DLG2: variants seen among roughly 807,000 people sequenced by gnomAD.
DLG2 encodes discs large MAGUK scaffold protein 2, also known as disks large homolog 2.
DLG2 carries 45 observed loss-of-function variants against 132.5 expected under a neutral mutation model. That is an observed-to-expected ratio of 0.34 (90% CI 0.27 to 0.44). DLG2 has a LOEUF of 0.44. DLG2 is among the 20% of genes least tolerant of loss of function. The pLI, the probability that DLG2 is intolerant of heterozygous loss-of-function variation, is 1.00. For synonymous variants in DLG2, 424 were observed against 419.6 expected (o/e 1.01, Z -0.13); for missense variants, 1,045 against 1,196.9 (o/e 0.87, Z 1.87).
At chr11:83,762,512 T>C (rs557454386) in intron 18 of DLG2, among the ~76,000 whole-genome samples, 39 of 152,318 alleles carry the variant, frequency 2.6e-4, no homozygotes, top group Non-Finnish European at 4.6e-4. Flanking sequence ...GTTTGTGCCA[T>C]GAGTTTGGGA....
At position 85,529,740 on chromosome 11, in the gene DLG2, C is replaced by T. The variant is rs1041158365; in HGVS notation, c.40+68917G>A. Reference sequence around the variant, plus strand: ...AATCTCCATGCCTTTGATTATTGTACCAACTTTCCTTTCCTCAAACACTTT... The same window carrying T: ...AATCTCCATGCCTTTGATTATTGTATCAACTTTCCTTTCCTCAAACACTTT... On this transcript the variant is annotated intron_variant, in intron 3 of 27. Coordinates refer to ENST00000376104, the MANE Select transcript of DLG2 (RefSeq NM_001142699.3). Among the ~76,000 whole-genome samples, 4 of 152,060 alleles carry T rather than the reference C, an allele frequency of 2.6e-5. No homozygotes were observed. The East Asian group carries it at 7.7e-4, about 29-fold the overall frequency.
At chr11:83,761,394 G>A (rs1282502575) in intron 18 of DLG2, among the ~76,000 whole-genome samples, 1 of 152,120 alleles carries the variant, frequency 6.6e-6, no homozygotes, top group Non-Finnish European at 1.5e-5. Context: ...TCTATTAGTG[G>A]TTCCTTGCCA....
chr11:83,635,486 C>T (rs367701146), intron 18 of DLG2, among the ~76,000 whole-genome samples: 2 of 151,854 alleles, frequency 1.3e-5, no homozygotes, highest in East Asian at 2.0e-4. Context: ...GAGAGGCTCT[C>T]GTCTCTTCTG....
intron 6 of DLG2, among the ~76,000 whole-genome samples, chr11:84,862,876 G>A (rs996157261): frequency 2.7e-5 from 4 of 150,508 alleles, no homozygotes; most frequent in East Asian, 2.0e-4. Context: ...CCTAATGTAC[G>A]TGACGGGTTG....
At chr11:85,345,686 TC>T (rs978654456) in intron 3 of DLG2, among the ~76,000 whole-genome samples, 1 of 152,032 alleles carries the variant, frequency 6.6e-6, no homozygotes, top group Non-Finnish European at 1.5e-5. Flanking sequence ...GCAGCAATCA[TC>T]CCTCTTTCAT....
Position 85,182,589 on chromosome 11 carries a change from A to G in DLG2, c.187-27938T>C, listed in dbSNP as rs186360612. Among the ~76,000 whole-genome samples the G allele has an allele frequency of 4.0e-3, 602 of 151,614 alleles. 4 individuals are homozygous for G. Among genetic ancestry groups the G allele is most frequent in the African/African-American group, 0.014 (584 of 41,404 alleles). On this transcript the variant is annotated intron_variant, in intron 4 of 27. Transcript: ENST00000376104. ...GTCTGTGTGTGTGAGCAAGTGTGGG[A>G]GAAAAGAAAGAGAAAGAGAAATGGG...
intron 6 of DLG2, among the ~76,000 whole-genome samples, chr11:84,913,448 G>A (rs573707582): frequency 6.6e-6 from 1 of 152,060 alleles, no homozygotes; most frequent in Admixed American, 6.5e-5. Flanking sequence ...AAAAGTAATG[G>A]TCCAAGAAAA....
At chr11:84,693,571 G>A (rs2058286161) in intron 6 of DLG2, among the ~76,000 whole-genome samples, 1 of 151,680 alleles carries the variant, frequency 6.6e-6, no homozygotes, top group Non-Finnish European at 1.5e-5. Flanking sequence ...AGGAAAAAAA[G>A]TATTAAGATT....
At chr11:84,986,356 A>T (rs1356900433) in intron 6 of DLG2, among the ~76,000 whole-genome samples, 1 of 152,172 alleles carries the variant, frequency 6.6e-6, no homozygotes, top group Non-Finnish European at 1.5e-5. Context: ...CTGACAGACA[A>T]TCAAAGAAGA....
intron 10 of DLG2, among the ~76,000 whole-genome samples, chr11:84,067,157 A>T (rs533743235): frequency 6.6e-6 from 1 of 151,918 alleles, no homozygotes; most frequent in Non-Finnish European, 1.5e-5. Context: ...ACATGGTGAA[A>T]CCCCATCTCT....
intron 6 of DLG2, among the ~76,000 whole-genome samples, chr11:84,906,247 T>G (rs961200184): frequency 7.3e-5 from 11 of 151,218 alleles, no homozygotes; most frequent in Non-Finnish European, 7.4e-5. Flanking sequence ...TTGTTTTTTT[T>G]TTTTTTACAT....
intron 18 of DLG2, among the ~76,000 whole-genome samples, chr11:83,773,777 G>A (rs930523543): frequency 6.6e-6 from 1 of 152,184 alleles, no homozygotes; most frequent in South Asian, 2.1e-4. Context: ...TGTATTGAGT[G>A]CCAACTCTGT....
intron 16 of DLG2, among the ~76,000 whole-genome samples, chr11:83,852,470 G>A (rs1317000145): frequency 6.6e-6 from 1 of 152,172 alleles, no homozygotes; most frequent in Non-Finnish European, 1.5e-5. Context: ...AAGTTTTCAT[G>A]TAGTTAAGAT....
chr11:84,339,414 CT>C (rs771748043), intron 7 of DLG2, among the ~76,000 whole-genome samples: 23 of 152,138 alleles, frequency 1.5e-4, no homozygotes, highest in Non-Finnish European at 2.4e-4. Flanking sequence ...TTACTTGCAA[CT>C]TTTTATTCTT....
intron 18 of DLG2, among the ~76,000 whole-genome samples, chr11:83,696,308 A>G (rs1592618557): frequency 6.6e-6 from 1 of 152,214 alleles, no homozygotes; most frequent in African/African-American, 2.4e-5. Context: ...GCTTTGGCAC[A>G]ATCTCTTAAC....
chr11:84,994,490 T>C (rs926129616), intron 6 of DLG2, among the ~76,000 whole-genome samples: 1 of 152,156 alleles, frequency 6.6e-6, no homozygotes, highest in African/African-American at 2.4e-5. Flanking sequence ...ACTTACACTG[T>C]TCCTCTAGAC....
intron 6 of DLG2, among the ~76,000 whole-genome samples, chr11:84,798,608 G>C (rs2074979912): frequency 6.6e-6 from 1 of 152,182 alleles, no homozygotes; most frequent in Non-Finnish European, 1.5e-5. Context: ...GTCCAGAAAT[G>C]CTGTCCAAGA....
chr11:83,873,633 A>G (rs1208607258), intron 16 of DLG2, among the ~76,000 whole-genome samples: 1 of 152,222 alleles, frequency 6.6e-6, no homozygotes, highest in Non-Finnish European at 1.5e-5. Flanking sequence ...CTTTATCAGC[A>G]TCGTGAAAAT....
chr11:84,187,238 A>G (rs1223063434), intron 8 of DLG2, among the ~76,000 whole-genome samples: 3 of 151,860 alleles, frequency 2.0e-5, no homozygotes, highest in Non-Finnish European at 4.4e-5. Context: ...TGGTAATAAC[A>G]GAGCTGGTAT....
Sources: allele counts gnomAD v4.1 joint callset (sites outside exome capture counted in the v4.1 genomes callset), GRCh38; gene constraint gnomAD v4.1.1; transcripts MANE v1.5; gene names NCBI Gene and HGNC (gene_info 2026-07-23, HGNC 2026-07-21).